Variants in CCND3 observed in about 807,000 individuals in gnomAD.
CCND3 encodes the protein G1/S-specific cyclin-D3.
CCND3 carries 9 observed loss-of-function variants against 28.7 expected under a neutral mutation model. The ratio of observed to expected loss-of-function variants is 0.31; its 90% CI spans 0.19 to 0.55. The LOEUF (loss-of-function observed/expected upper bound fraction) is 0.55, where lower values mean the gene tolerates loss of function less well. CCND3 is among the 20% of genes least tolerant of loss of function. The pLI, the probability that CCND3 is intolerant of heterozygous loss-of-function variation, is 0.93. For missense variants in CCND3, 315 were observed against 385.8 expected, an observed-to-expected ratio of 0.82 and a Z score of 1.54; for synonymous variants, 164 against 163.9, an observed-to-expected ratio of 1.00 and a Z score of 0.00.
At chr6:41,994,005 A>G (rs180740313) in intron 1 of CCND3, among the ~76,000 whole-genome samples, 10 of 149,430 alleles carry the variant, frequency 6.7e-5, no homozygotes, top group African/African-American at 2.5e-4. Flanking sequence ...ACTTAAGTGG[A>G]TATTACTTAG....
chr6:41,949,898 T>C (rs1239869957), intron 1 of CCND3, among the ~76,000 whole-genome samples: 1 of 148,818 alleles, frequency 6.7e-6, no homozygotes, highest in South Asian at 2.1e-4. Context: ...GTTGAGACCA[T>C]CCTGGCTAAC....
chr6:41,942,914 T>C (rs891160860), upstream of CCND3, among the ~76,000 whole-genome samples: 2 of 144,434 alleles, frequency 1.4e-5, no homozygotes, highest in Non-Finnish European at 3.0e-5. Context: ...AGTCTCACTC[T>C]GTTGCTCAAG....
At chr6:41,942,872 C>CTTTT (rs60884050), upstream of CCND3, among the ~76,000 whole-genome samples, 88 of 82,570 alleles carry the variant, frequency 1.1e-3, no homozygotes, top group African/African-American at 2.9e-3. Context: ...GTTAATTATT[C>CTTTT]TTTTTTTTTT....
chr6:41,938,555 G>A lies in CCND3; in HGVS notation c.415-1161C>T, dbSNP rs1166203057. Among the ~76,000 whole-genome samples, 1 of 152,204 alleles carries A rather than the reference G, an allele frequency of 6.6e-6. No individual in the cohort carries two copies. Among genetic ancestry groups the A allele is most frequent in the Non-Finnish European group, 1.5e-5 (1 of 68,040 alleles). ...AAACAGAAGGGACTCAGCTTCTAAG[G>A]AAGCATCTGGAAGGCAACTGGGAGT... On this transcript the variant is annotated intron_variant, in intron 2 of 4. Transcript: ENST00000372991. This position sits in a 1 kb window ranked among gnomAD's most constrained non-coding sequence, Gnocchi z 4.6.
At chr6:41,961,282 T>G (rs1234570234) in intron 1 of CCND3, among the ~76,000 whole-genome samples, 1 of 152,022 alleles carries the variant, frequency 6.6e-6, no homozygotes, top group South Asian at 2.1e-4. Flanking sequence ...AAGACCAGCA[T>G]GGCCAACAAA....
chr6:41,942,830 G>A (rs1193196676), upstream of CCND3, among the ~76,000 whole-genome samples: 1 of 151,496 alleles, frequency 6.6e-6, no homozygotes, highest in Non-Finnish European at 1.5e-5. Flanking sequence ...TCCTGACTTA[G>A]GAGACACTAA....
At chr6:41,979,776 G>A (rs1762288185) in intron 1 of CCND3, among the ~76,000 whole-genome samples, 1 of 151,650 alleles carries the variant, frequency 6.6e-6, no homozygotes, top group South Asian at 2.1e-4. Context: ...TCTGTCTGGG[G>A]AAGGTGGGTG....
intron 1 of CCND3, among the ~76,000 whole-genome samples, chr6:41,974,622 G>A (rs368897939): frequency 6.6e-6 from 1 of 152,066 alleles, no homozygotes; most frequent in African/African-American, 2.4e-5. Context: ...CAACTTAGCC[G>A]GGTCACAGAG....
At chr6:41,974,315 A>C (rs1174578214) in intron 1 of CCND3, among the ~76,000 whole-genome samples, 1 of 152,208 alleles carries the variant, frequency 6.6e-6, no homozygotes, top group Non-Finnish European at 1.5e-5. Flanking sequence ...AGTCACTTAG[A>C]GTGCACCATC....
upstream of CCND3, among the ~76,000 whole-genome samples, chr6:41,943,216 T>C (rs1180210123): frequency 6.6e-6 from 1 of 152,206 alleles, no homozygotes; most frequent in Non-Finnish European, 1.5e-5. Flanking sequence ...TCATAAAATA[T>C]TCTTTTACAT....
At chr6:42,032,505 T>G (rs1021503643) in intron 1 of CCND3, among the ~76,000 whole-genome samples, 1 of 152,232 alleles carries the variant, frequency 6.6e-6, no homozygotes, top group Non-Finnish European at 1.5e-5. Flanking sequence ...CTATGGCCAA[T>G]TGGTTTCTGA....
At chr6:42,040,871 A>AC (rs1378693225) in intron 1 of CCND3, among the ~76,000 whole-genome samples, 17 of 149,978 alleles carry the variant, frequency 1.1e-4, no homozygotes, top group African/African-American at 2.4e-4. Flanking sequence ...AAACAAACAA[A>AC]AAAAAAACAA....
chr6:42,026,991 C>T (rs966464240), intron 1 of CCND3, among the ~76,000 whole-genome samples: 2 of 152,178 alleles, frequency 1.3e-5, no homozygotes, highest in Non-Finnish European at 2.9e-5. Context: ...GTTACAGCAG[C>T]CTAACCTCCC....
chr6:41,988,792 G>A (rs1156799372), intron 1 of CCND3, among the ~76,000 whole-genome samples: 2 of 144,640 alleles, frequency 1.4e-5, no homozygotes, highest in East Asian at 2.0e-4. Context: ...TCCGCCTCCC[G>A]GGTTCACGCC....
intron 1 of CCND3, among the ~76,000 whole-genome samples, chr6:41,990,370 C>T (rs1282273174): frequency 6.6e-6 from 1 of 151,916 alleles, no homozygotes; most frequent in Non-Finnish European, 1.5e-5. Context: ...GATCGTATTA[C>T]CAAAAGCAAT....
intron 1 of CCND3, among the ~76,000 whole-genome samples, chr6:41,983,824 A>G (rs1561972565): frequency 6.6e-6 from 1 of 152,056 alleles, no homozygotes; most frequent in Non-Finnish European, 1.5e-5. Flanking sequence ...CAGCCTGGGT[A>G]ACAAAGTGAG....
chr6:42,032,739 G>A (rs1055126094), intron 1 of CCND3, among the ~76,000 whole-genome samples: 5 of 152,148 alleles, frequency 3.3e-5, no homozygotes, highest in Admixed American at 2.6e-4. Context: ...GTAAATCCAG[G>A]AGCCAGGCTG....
In CCND3 at chr6:41,941,334, G is replaced by A. The variant is rs1308149483; in HGVS notation, c.198+118C>T. 2.7e-6 allele frequency: 4 copies of A among 1,504,132 alleles called. No individual in the cohort carries two copies. The highest frequency in any genetic ancestry group is 2.4e-5 in the East Asian group (1 of 42,164). The allele number at this position is 1,504,132 out of a possible 1,614,324, so 93.2% of individuals were successfully genotyped here. On this transcript the variant is annotated intron_variant, in intron 1 of 4. Transcript: ENST00000372991. The surrounding 1 kb of genome is among the most constrained non-coding windows in gnomAD (Gnocchi z 6.1). ...GCCCTAGTGAAAGGCCAGGCCCCGG[G>A]AGTCTTAGCCTCGGAGCATCCTGCA...
intron 1 of CCND3, among the ~76,000 whole-genome samples, chr6:41,996,122 T>TATAAAA (rs1762792978): frequency 1.8e-5 from 1 of 55,404 alleles, no homozygotes; most frequent in Non-Finnish European, 3.8e-5. Flanking sequence ...TATATATATA[T>TATAAAA]AATATATATA....
Sources: allele counts gnomAD v4.1 joint callset (sites outside exome capture counted in the v4.1 genomes callset), GRCh38; gene constraint gnomAD v4.1.1; non-coding constraint Gnocchi (gnomAD v3.1); transcripts MANE v1.5; gene names NCBI Gene and HGNC (gene_info 2026-07-23, HGNC 2026-07-21).